Variants in MAML2 observed in about 807,000 individuals in gnomAD.
The protein encoded by MAML2 is mastermind like transcriptional coactivator 2.
Under a neutral mutation model 96.1 loss-of-function variants are expected in MAML2, and 22 were observed. The ratio of observed to expected loss-of-function variants is 0.23; its 90% CI spans 0.16 to 0.33. The LOEUF (loss-of-function observed/expected upper bound fraction) is 0.33. MAML2 is among the 10% of genes least tolerant of loss of function. The pLI, the probability that MAML2 is intolerant of heterozygous loss-of-function variation, is 1.00. For synonymous variants in MAML2, 561 were observed against 521.3 expected (o/e 1.08, Z -1.04); for missense variants, 1,367 against 1,392.4 (o/e 0.98, Z 0.29).
chr11:95,979,496 G>C lies in MAML2; in HGVS notation c.2923C>G (p.Gln975Glu). ...CCTGCAGACGTCAGGGCTTCTTGCTGTTTGCTTGTTCCTTCTTGAGAGGCC... is the reference window on the plus strand; with the variant it reads ...CCTGCAGACGTCAGGGCTTCTTGCTCTTTGCTTGTTCCTTCTTGAGAGGCC... ...NWASQEGTSK[Q>E]QEALTSAGVR... Residue 975 changes from glutamine to glutamate, a missense_variant, in exon 5 of 5, where the codon CAG becomes GAG. Transcript: ENST00000524717. The C allele has an allele frequency of 6.2e-7, 1 of 1,613,692 alleles. No homozygotes were observed. The highest frequency in any genetic ancestry group is 8.5e-7 in the Non-Finnish European group (1 of 1,179,786).
chr11:96,316,782 A>G (rs1303691215), intron 1 of MAML2, among the ~76,000 whole-genome samples: 2 of 152,212 alleles, frequency 1.3e-5, no homozygotes, highest in African/African-American at 4.8e-5. Context: ...TGTACTCAGT[A>G]TGGACAATAC....
chr11:96,301,322 A>G (rs1479874232), intron 1 of MAML2, among the ~76,000 whole-genome samples: 1 of 152,202 alleles, frequency 6.6e-6, no homozygotes, highest in Non-Finnish European at 1.5e-5. Flanking sequence ...GGGGTACAGA[A>G]TTAAGAAGAT....
chr11:96,224,928 G>A (rs1862191148), intron 1 of MAML2, among the ~76,000 whole-genome samples: 1 of 152,082 alleles, frequency 6.6e-6, no homozygotes, highest in South Asian at 2.1e-4. Context: ...CTTTAAGACA[G>A]TTAGCTAATT....
chr11:96,096,155 C>T (rs1039647263), intron 1 of MAML2, among the ~76,000 whole-genome samples: 1 of 152,196 alleles, frequency 6.6e-6, no homozygotes, highest in African/African-American at 2.4e-5. Context: ...TTTGGGTTAT[C>T]ACCTTTGATT....
At chr11:96,339,337 C>G (rs1863959814) in intron 1 of MAML2, among the ~76,000 whole-genome samples, 2 of 152,176 alleles carry the variant, frequency 1.3e-5, no homozygotes, top group South Asian at 4.1e-4. Context: ...ATGGGTATTG[C>G]TACTGTAAAG....
intron 1 of MAML2, among the ~76,000 whole-genome samples, chr11:96,201,015 G>T (rs1813365542): frequency 6.6e-6 from 1 of 151,694 alleles, no homozygotes; most frequent in South Asian, 2.1e-4. Flanking sequence ...TTTAACTCTT[G>T]GGGGAAAAAA....
intron 1 of MAML2, among the ~76,000 whole-genome samples, chr11:96,158,216 T>C (rs1861043440): frequency 6.6e-6 from 1 of 152,336 alleles, no homozygotes; most frequent in African/African-American, 2.4e-5. Flanking sequence ...TGAAAAATCA[T>C]AGTTTATTTA....
intron 1 of MAML2, among the ~76,000 whole-genome samples, chr11:96,138,670 G>T (rs1449793024): frequency 6.6e-6 from 1 of 152,080 alleles, no homozygotes; most frequent in South Asian, 2.1e-4. Context: ...CAGGGACTGG[G>T]TTTGATAATG....
At chr11:96,153,399 C>T (rs957590428) in intron 1 of MAML2, among the ~76,000 whole-genome samples, 1 of 152,146 alleles carries the variant, frequency 6.6e-6, no homozygotes, top group Non-Finnish European at 1.5e-5. Context: ...ATCATCCTGG[C>T]AAGTTATTGT....
chr11:96,179,067 C>T (rs1169924004), intron 1 of MAML2, among the ~76,000 whole-genome samples: 1 of 152,092 alleles, frequency 6.6e-6, no homozygotes, highest in Admixed American at 6.6e-5. Flanking sequence ...TGGGTGATTA[C>T]GTCTGTGCAA....
chr11:96,186,205 T>C (rs1055028597), intron 1 of MAML2, among the ~76,000 whole-genome samples: 1 of 152,224 alleles, frequency 6.6e-6, no homozygotes, highest in Non-Finnish European at 1.5e-5. Context: ...AATTAAATAT[T>C]AGCTTTTACA....
chr11:96,232,223 T>G (rs1862303270), intron 1 of MAML2, among the ~76,000 whole-genome samples: 1 of 152,214 alleles, frequency 6.6e-6, no homozygotes, highest in Non-Finnish European at 1.5e-5. Context: ...GCCACGTGCC[T>G]TTTCTTCAAA....
At chr11:96,093,587 G>T in intron 1 of MAML2, 70 bp from the exon 2 acceptor site, 2 of 1,119,916 alleles carry the variant, frequency 1.8e-6, no homozygotes, top group Non-Finnish European at 1.3e-6. Flanking sequence ...CATAAAAAGT[G>T]ATGTGATATT....
intron 1 of MAML2, among the ~76,000 whole-genome samples, chr11:96,178,362 G>A (rs1861427965): frequency 6.6e-6 from 1 of 152,146 alleles, no homozygotes; most frequent in Non-Finnish European, 1.5e-5. Context: ...CTGACTGAGT[G>A]AAGGGCCACC....
At chr11:96,042,285 G>C (rs968863625) in intron 2 of MAML2, among the ~76,000 whole-genome samples, 1 of 151,586 alleles carries the variant, frequency 6.6e-6, no homozygotes, top group African/African-American at 2.4e-5. Flanking sequence ...TCCATACCAG[G>C]CTATTTTTGT....
intron 1 of MAML2, among the ~76,000 whole-genome samples, chr11:96,304,321 G>A (rs1027844964): frequency 1.3e-5 from 2 of 152,174 alleles, no homozygotes; most frequent in African/African-American, 2.4e-5. Flanking sequence ...ATCCACAAAA[G>A]GGTTGATGAG....
At chr11:96,261,088 C>G (rs775802698) in intron 1 of MAML2, among the ~76,000 whole-genome samples, 7 of 152,098 alleles carry the variant, frequency 4.6e-5, no homozygotes, top group Non-Finnish European at 8.8e-5. Flanking sequence ...TCCAATCTGG[C>G]AGTATTGACA....
intron 1 of MAML2, among the ~76,000 whole-genome samples, chr11:96,153,043 C>T (rs1475864351): frequency 1.3e-5 from 2 of 152,160 alleles, no homozygotes; most frequent in African/African-American, 4.8e-5. Context: ...CAGCAGGAGC[C>T]AGCCAGAAGA....
intron 3 of MAML2, among the ~76,000 whole-genome samples, chr11:95,986,047 A>G (rs1857823285): frequency 6.6e-6 from 1 of 152,214 alleles, no homozygotes; most frequent in Non-Finnish European, 1.5e-5. Flanking sequence ...TAAATGAGTG[A>G]TAGCTACTTC....
Sources: allele counts gnomAD v4.1 joint callset (sites outside exome capture counted in the v4.1 genomes callset), GRCh38; gene constraint gnomAD v4.1.1; transcripts MANE v1.5; gene names NCBI Gene and HGNC (gene_info 2026-07-23, HGNC 2026-07-21).